The following MED13 variants were observed in gnomAD, a reference collection of about 807,000 sequenced individuals.
MED13 encodes the protein mediator of RNA polymerase II transcription subunit 13.
In MED13, 23 loss-of-function variants were observed where a neutral mutation model predicts 225.2. The ratio of observed to expected loss-of-function variants is 0.10; its 90% CI spans 0.07 to 0.14. The LOEUF (loss-of-function observed/expected upper bound fraction) is 0.14, where lower values mean the gene tolerates loss of function less well. MED13 is among the 10% of genes least tolerant of loss of function. The pLI is 1.00. For missense variants in MED13, 2,197 were observed against 2,594.5 expected, an observed-to-expected ratio of 0.85 and a Z score of 3.33; for synonymous variants, 942 against 889.2, an observed-to-expected ratio of 1.06 and a Z score of -1.06.
chr17:62,007,189 C>G (rs948358646), intron 9 of MED13: 2 of 152,026 alleles, frequency 1.3e-5, no homozygotes, highest in Non-Finnish European at 2.9e-5. Context: ...TGCAGTGAGC[C>G]GAGATAGCGC....
At chr17:61,963,515 A>T in intron 20 of MED13, among the ~76,000 whole-genome samples, 1 of 152,122 alleles carries the variant, frequency 6.6e-6, no homozygotes, top group Non-Finnish European at 1.5e-5. Flanking sequence ...TATGTTGACC[A>T]GGTTGGTCTT....
In MED13 at chr17:61,984,196, G is replaced by T; in HGVS notation, c.2863C>A (p.Pro955Thr). The T allele has an allele frequency of 6.9e-6, 11 of 1,588,390 alleles. No homozygotes were observed. Among genetic ancestry groups the T allele is most frequent in the Non-Finnish European group, 8.6e-6 (10 of 1,168,888 alleles). ...VGKLELLSSG[P>T]SMPFIKEGDG... The stretch of plus-strand genomic sequence containing the variant: ...CCCTCTTTGATGAATGGCATTGAAG[G>T]CCCTGAAGAAAGCAATTCCAATTTT... The change falls in exon 15 of 30, where the codon CCT becomes ACT. Residue 955 changes from proline to threonine, a missense_variant. Physicochemically the swap from Pro to Thr is conservative, Grantham distance 38. Transcript: ENST00000397786.
intron 5 of MED13, 75 bp from the exon 6 acceptor site, chr17:62,031,713 T>C (rs2080758779): frequency 5.3e-6 from 5 of 949,322 alleles, no homozygotes; most frequent in Non-Finnish European, 7.3e-6. Context: ...AAAAGTACTA[T>C]AATGGAAAAG....
chr17:62,055,813 T>C (rs1455775167), intron 2 of MED13, among the ~76,000 whole-genome samples: 1 of 151,548 alleles, frequency 6.6e-6, no homozygotes, highest in African/African-American at 2.4e-5. Context: ...AGAGCAAGAC[T>C]CCATCTCAAA....
intron 26 of MED13, among the ~76,000 whole-genome samples, chr17:61,954,917 C>T (rs1434142207): frequency 1.3e-5 from 2 of 152,174 alleles, no homozygotes; most frequent in African/African-American, 4.8e-5. Context: ...TTAAAAACAA[C>T]ACATATTTAT....
chr17:62,022,558 C>T (rs1342704261), intron 8 of MED13, among the ~76,000 whole-genome samples: 1 of 152,054 alleles, frequency 6.6e-6, no homozygotes, highest in Non-Finnish European at 1.5e-5. Flanking sequence ...ATCCTTCTCC[C>T]TTGGCCTCCC....
chr17:61,963,202 C>CAAAAAAAAAAAAA (rs11290002), intron 20 of MED13, among the ~76,000 whole-genome samples: 353 of 55,882 alleles, frequency 6.3e-3, no homozygotes, highest in Non-Finnish European at 8.4e-3. Flanking sequence ...TTAAATTTAC[C>CAAAAAAAAAAAAA]AAAAAAAAAA....
At chr17:61,957,262 G>C (rs1266111889) in intron 23 of MED13, among the ~76,000 whole-genome samples, 1 of 152,022 alleles carries the variant, frequency 6.6e-6, no homozygotes, top group African/African-American at 2.4e-5. Flanking sequence ...GGCCAGGCTG[G>C]TCTCAACTCC....
intron 3 of MED13, among the ~76,000 whole-genome samples, chr17:62,044,468 C>G (rs79202034): frequency 6.6e-6 from 1 of 152,136 alleles, no homozygotes; most frequent in African/African-American, 2.4e-5. Context: ...TCTCTATGGA[C>G]TAAGTTTTTT....
chr17:61,974,012 A>T (rs2080131925), intron 16 of MED13, among the ~76,000 whole-genome samples: 1 of 152,162 alleles, frequency 6.6e-6, no homozygotes, highest in Non-Finnish European at 1.5e-5. Context: ...AACAAAAAAA[A>T]GTGTACGGAA....
chr17:62,064,200 A>T (rs1452758939), intron 1 of MED13, among the ~76,000 whole-genome samples: 1 of 152,236 alleles, frequency 6.6e-6, no homozygotes, highest in Non-Finnish European at 1.5e-5. Flanking sequence ...AAAGGAGAAA[A>T]TGAAAAAGTA....
At chr17:62,027,234 G>C (rs1377588489) in intron 8 of MED13, among the ~76,000 whole-genome samples, 1 of 152,176 alleles carries the variant, frequency 6.6e-6, no homozygotes, top group Non-Finnish European at 1.5e-5. Flanking sequence ...TACTAAAACA[G>C]ACACATAGAC....
At position 61,997,365 on chromosome 17, in the gene MED13, T is replaced by C. The variant is rs140347245; in HGVS notation, c.1968-2000A>G. 8.5e-5 allele frequency among the ~76,000 whole-genome samples: 13 copies of C among 152,266 alleles called. 1 individual carries two copies. Among genetic ancestry groups the C allele is most frequent in the East Asian group, 1.9e-4 (1 of 5,186 alleles). ...GGAATATAATGCTAGCACACTGTCA[T>C]TGGGGATATGTTTTATAATTAATCA... On this transcript the variant is annotated intron_variant, in intron 9 of 29. Transcript: ENST00000397786.
intron 24 of MED13, 112 bp downstream of exon 24, chr17:61,956,227 C>A: frequency 9.3e-7 from 1 of 1,069,668 alleles, no homozygotes; most frequent in Non-Finnish European, 1.3e-6. Context: ...TATGTGGTTC[C>A]TTATTTGATA....
chr17:61,972,961 C>T, intron 16 of MED13, 73 bp from the exon 17 acceptor site: 1 of 1,303,096 alleles, frequency 7.7e-7, no homozygotes, highest in Non-Finnish European at 1.1e-6. Context: ...TAAGATAATA[C>T]AAAACACATA....
In MED13 at chr17:61,956,624, C is replaced by T; in HGVS notation, c.5481-143G>A. 5.7e-6 allele frequency: 4 copies of T among 704,596 alleles called. 1 individual carries two copies. The highest frequency in any genetic ancestry group is 6.7e-4 in the Middle Eastern group (2 of 2,994). 43.6% of individuals were successfully genotyped at this position (704,596 alleles called of 1,614,324 possible). ...TGCGATCTCGGCTCACTGCAACCTC[C>T]ACCTTCACGGGTTTAAGTGATTCTC... On this transcript the variant is annotated intron_variant, in intron 23 of 29. Transcript: ENST00000397786.
intron 2 of MED13, among the ~76,000 whole-genome samples, chr17:62,056,084 T>C (rs2080994337): frequency 6.6e-6 from 1 of 152,204 alleles, no homozygotes; most frequent in South Asian, 2.1e-4. Flanking sequence ...ACTAAAGTAA[T>C]ATAATTTCAT....
chr17:61,984,079 A>G (rs2080227817), intron 15 of MED13, 92 bp downstream of exon 15: 7 of 1,049,196 alleles, frequency 6.7e-6, no homozygotes, highest in East Asian at 2.9e-5. Flanking sequence ...TCAAAAACCA[A>G]TTTTATTTTT....
intron 2 of MED13, among the ~76,000 whole-genome samples, chr17:62,062,248 T>C (rs2081044470): frequency 6.6e-6 from 1 of 152,218 alleles, no homozygotes; most frequent in Admixed American, 6.5e-5. Flanking sequence ...TATATTCCTA[T>C]TATCTAAGAT....
Sources: allele counts gnomAD v4.1 joint callset (sites outside exome capture counted in the v4.1 genomes callset), GRCh38; gene constraint gnomAD v4.1.1; transcripts MANE v1.5; gene names NCBI Gene and HGNC (gene_info 2026-07-23, HGNC 2026-07-21).